Variants in DENND2C observed in about 807,000 individuals in gnomAD.
DENND2C encodes the protein DENN domain containing 2C.
In DENND2C, 72 loss-of-function variants were observed where a neutral mutation model predicts 112.4. That is an observed-to-expected ratio of 0.64 (90% CI 0.53 to 0.78). The LOEUF (loss-of-function observed/expected upper bound fraction) is 0.78. Among genes scored for constraint, DENND2C ranks in the 30% least tolerant of loss-of-function variants. The pLI is 0.00. For missense variants in DENND2C, 992 were observed against 1,113.8 expected (o/e 0.89, Z 1.56); for synonymous variants, 329 against 381.6 (o/e 0.86, Z 1.61).
At chr1:114,610,439 G>A (rs1378541624) in intron 9 of DENND2C, among the ~76,000 whole-genome samples, 2 of 152,148 alleles carry the variant, frequency 1.3e-5, no homozygotes, top group African/African-American at 2.4e-5. Flanking sequence ...GGTGGCTCAC[G>A]CCTGTAATCC....
intron 8 of DENND2C, 22 bp from the exon 9 acceptor site, chr1:114,611,139 C>A (rs1273611493): frequency 6.2e-7 from 1 of 1,613,980 alleles, no homozygotes; most frequent in African/African-American, 1.3e-5. Flanking sequence ...GAAGGAGTTT[C>A]CATTTGTATT....
intron 1 of DENND2C, among the ~76,000 whole-genome samples, chr1:114,663,506 T>C (rs1657556199): frequency 3.9e-5 from 6 of 152,208 alleles, no homozygotes; most frequent in Admixed American, 2.6e-4. Flanking sequence ...TACTAGAATT[T>C]AAAAACAGGA....
At chr1:114,604,489 AG>A (rs1194128908) in intron 11 of DENND2C, among the ~76,000 whole-genome samples, 4 of 152,194 alleles carry the variant, frequency 2.6e-5, no homozygotes, top group African/African-American at 7.2e-5. Context: ...GGTTCCACAG[AG>A]GAACATAAAA....
At chr1:114,665,447 TTAA>T (rs1259852054) in intron 1 of DENND2C, among the ~76,000 whole-genome samples, 1 of 152,210 alleles carries the variant, frequency 6.6e-6, no homozygotes, top group South Asian at 2.1e-4. Flanking sequence ...AGTCCCTGAC[TTAA>T]TGATGGTTTA....
intron 3 of DENND2C, among the ~76,000 whole-genome samples, chr1:114,639,853 C>T (rs572108819): frequency 4.2e-4 from 64 of 151,916 alleles, no homozygotes; most frequent in Non-Finnish European, 8.4e-4. Context: ...TACCTGGCCA[C>T]CACTGCCTTT....
chr1:114,626,151 C>T lies in DENND2C; in HGVS notation c.-167G>A, dbSNP rs1382895117. ...TAAAAAGAAAATTTTGATCAGTGATCCTTGTTGAAAATGGCTACAACCTGA... is the reference window on the plus strand; with the variant it reads ...TAAAAAGAAAATTTTGATCAGTGATTCTTGTTGAAAATGGCTACAACCTGA... On this transcript the variant is annotated 5_prime_UTR_variant, in exon 4 of 21. Coordinates refer to ENST00000393274, the MANE Select transcript of DENND2C (RefSeq NM_001256404.2). 3.1e-6 allele frequency: 2 copies of T among 654,876 alleles called. No homozygotes were observed. Among genetic ancestry groups the T allele is most frequent in the East Asian group, 5.6e-5 (2 of 35,662 alleles). The allele number at this position is 654,876 out of a possible 1,614,324, so 40.6% of individuals were successfully genotyped here. A position where few individuals can be genotyped will look rare whatever the true frequency, so the allele number is the denominator to read the frequency against.
intron 1 of DENND2C, among the ~76,000 whole-genome samples, chr1:114,661,083 G>C (rs1331741337): frequency 6.8e-6 from 1 of 147,476 alleles, no homozygotes; most frequent in African/African-American, 2.5e-5. Flanking sequence ...TGTGCACCTG[G>C]GCGACAGAGC....
chr1:114,615,455 CTTT>C (rs1303985026), intron 8 of DENND2C, among the ~76,000 whole-genome samples: 1 of 152,166 alleles, frequency 6.6e-6, no homozygotes, highest in Non-Finnish European at 1.5e-5. Context: ...GTCTTAGCTT[CTTT>C]GTTTGTAAAA....
rs761020944 is a variant in DENND2C, at chr1:114,611,083, A to C, written c.1359T>G (p.Tyr453Ter). 1.9e-5 allele frequency: 31 copies of C among 1,614,204 alleles called. No individual in the cohort carries two copies. The Admixed American group carries it at 5.2e-4, about 27-fold the overall frequency. ...ETSGNESDAE[Y>*]LPKNRHKRLA... ...CATTGACTCACTCACTCTTTGGCAG[A>C]TACTCGGCATCACTTTCGTTCCCAC... is the stretch of plus-strand genomic sequence containing the variant. The change falls in exon 9 of 21, where the codon TAT becomes TAG. Residue 453 changes from tyrosine to a stop codon, truncating the protein, a stop_gained. Transcript: ENST00000393274. LOFTEE classifies it high-confidence loss of function.
At chr1:114,637,890 T>A (rs919322355) in intron 3 of DENND2C, among the ~76,000 whole-genome samples, 2 of 152,126 alleles carry the variant, frequency 1.3e-5, no homozygotes, top group African/African-American at 4.8e-5. Flanking sequence ...TCCAGATTGT[T>A]GAATCTGTAG....
intron 8 of DENND2C, among the ~76,000 whole-genome samples, chr1:114,614,963 G>A (rs189991629): frequency 1.3e-5 from 2 of 151,586 alleles, no homozygotes; most frequent in Admixed American, 6.6e-5. Flanking sequence ...GCAGTGAGCC[G>A]AGATCGCACA....
chr1:114,614,688 C>G (rs1655907344), intron 8 of DENND2C, among the ~76,000 whole-genome samples: 1 of 152,026 alleles, frequency 6.6e-6, no homozygotes, highest in South Asian at 2.1e-4. Context: ...AAGGCATAGA[C>G]ATACAAATAA....
intron 4 of DENND2C, among the ~76,000 whole-genome samples, chr1:114,624,551 TC>T (rs1279910735): frequency 6.6e-6 from 1 of 151,544 alleles, no homozygotes; most frequent in Non-Finnish European, 1.5e-5. Flanking sequence ...CAAGTGATCC[TC>T]CTGCCCCAGC....
rs572772398 is a variant in DENND2C, at chr1:114,623,591, T to C, written c.859A>G (p.Thr287Ala). Residue 287 changes from threonine (T) to alanine (A), a missense_variant, in exon 5 of 21, where the codon ACG becomes GCG. Physicochemically the swap from Thr to Ala is moderately conservative, Grantham distance 58. This residue lies in a region of DENND2C where 470 missense variants were observed against 472.7 expected (regional missense o/e 0.99). Coordinates refer to ENST00000393274, the MANE Select transcript of DENND2C (RefSeq NM_001256404.2). ...TTTCTTCCAAGTTCTTCACGAATCG[T>C]CTGTGAGTTCCGATTTCGAAAGTGC... ...IQHFRNRNSQ[T>A]IREELGRNSG... The C allele has an allele frequency of 1.2e-6, 2 of 1,608,128 alleles. No individual in the cohort carries two copies. The highest frequency in any genetic ancestry group is 2.7e-5 in the African/African-American group (2 of 74,702).
chr1:114,602,016 G>A (rs184352937), intron 12 of DENND2C, 109 bp downstream of exon 12: 23 of 1,056,584 alleles, frequency 2.2e-5, no homozygotes, highest in Middle Eastern at 2.1e-4. Context: ...TTAATACACA[G>A]ATCATTGAGC....
chr1:114,659,653 CA>C (rs1174919939), intron 1 of DENND2C, among the ~76,000 whole-genome samples: 1 of 152,132 alleles, frequency 6.6e-6, no homozygotes, highest in Non-Finnish European at 1.5e-5. Flanking sequence ...ACTAGACTGC[CA>C]AAAGCAGCAA....
chr1:114,602,168 C>G lies in DENND2C; in HGVS notation c.1694G>C (p.Gly565Ala). ...ACCAAACCACCGGCTTCCATCTTCA[C>G]CAGTCAAGACAAAGGAGAATGTTTC... ...KSETFSFVLT[G>A]EDGSRWFGYC... The change falls in exon 12 of 21, where the codon GGT (glycine) becomes GCT (alanine). Residue 565 changes from glycine (G) to alanine (A), a missense_variant. Around this residue, in one of 3 missense-constraint regions of DENND2C, gnomAD observed 516 missense variants for 623.6 expected, o/e 0.83. Transcript: ENST00000393274. 1 of 1,613,804 alleles carries G rather than the reference C, an allele frequency of 6.2e-7. No individual in the cohort carries two copies. Among genetic ancestry groups the G allele is most frequent in the South Asian group, 1.1e-5 (1 of 91,032 alleles).
chr1:114,641,766 G>A (rs184690099), intron 3 of DENND2C, among the ~76,000 whole-genome samples: 4 of 152,106 alleles, frequency 2.6e-5, no homozygotes, highest in Non-Finnish European at 5.9e-5. Context: ...ACGCACAATG[G>A]ACAAATACAA....
At chr1:114,597,238 G>A (rs1423075138) in intron 16 of DENND2C, among the ~76,000 whole-genome samples, 1 of 152,168 alleles carries the variant, frequency 6.6e-6, no homozygotes, top group South Asian at 2.1e-4. Flanking sequence ...GGGATCAGGA[G>A]TTCAAGACCA....
Sources: gnomAD v4.1 joint callset for allele counts (sites outside exome capture counted in the v4.1 genomes callset) on GRCh38, gnomAD v4.1.1 for gene constraint, gnomAD v4.1.1 regional missense constraint, MANE v1.5 for transcripts, NCBI Gene and HGNC (gene_info 2026-07-23, HGNC 2026-07-21) for gene names.